NKD2: variants seen among roughly 807,000 people sequenced by gnomAD.
The protein encoded by NKD2 is protein naked cuticle homolog 2.
A neutral mutation model predicts 34.8 loss-of-function variants in NKD2; 43 were observed. The ratio of observed to expected loss-of-function variants is 1.24; its 90% confidence interval spans 0.97 to 1.60. NKD2 has a LOEUF of 1.60. Ranked by LOEUF, NKD2 falls within the 40% of genes most tolerant of loss-of-function variation. NKD2 has a pLI of 0.00. For missense variants in NKD2, 675 were observed against 627.1 expected, an observed-to-expected ratio of 1.08 and a Z score of -0.82; for synonymous variants, 278 against 265.1, an observed-to-expected ratio of 1.05 and a Z score of -0.47.
intron 9 of NKD2, 43 bp from the exon 10 acceptor site, chr5:1,037,762 A>G: frequency 6.4e-7 from 1 of 1,564,792 alleles, no homozygotes; most frequent in Non-Finnish European, 8.6e-7. Context: ...TGGGAACCTG[A>G]GCCTGCACTC....
rs766300921 is a variant in NKD2 at position 1,032,133 on chromosome 5, T to C, written c.142-19T>C. Reference sequence around the variant, plus strand: ...CCCACTGAGCTATGTGGCCACTGACTGCCCCGTTCTTCCTGCAGGAGCTGC... The same window carrying C: ...CCCACTGAGCTATGTGGCCACTGACCGCCCCGTTCTTCCTGCAGGAGCTGC... On this transcript the variant is annotated intron_variant, in intron 3 of 9. Transcript: ENST00000296849. The C allele has an allele frequency of 6.2e-7, 1 of 1,609,392 alleles. No homozygotes were observed. The highest frequency in any genetic ancestry group is 1.1e-5 in the South Asian group (1 of 90,964).
chr5:1,032,187 C>G lies in NKD2; in HGVS notation c.177C>G (p.Phe59Leu). The G allele has an allele frequency of 6.2e-7, 1 of 1,610,062 alleles. No individual in the cohort carries two copies. Among genetic ancestry groups the G allele is most frequent in the South Asian group, 1.1e-5 (1 of 90,800 alleles). The change falls in exon 4 of 10, where the codon TTC becomes TTG. Residue 59 changes from phenylalanine to leucine, a missense_variant. Coordinates refer to ENST00000296849, the MANE Select transcript of NKD2 (RefSeq NM_033120.4). ...ATGGGGACCCCAAGGAGGGGCCTTT[C>G]CGGGAGGACCAGTGTCCCCTACAGG... is the stretch of plus-strand genomic sequence containing the variant. ...LPNGDPKEGP[F>L]REDQCPLQVA...
chr5:1,035,249 A>C (rs942532531), intron 7 of NKD2, 140 bp from the exon 8 acceptor site: 39 of 711,728 alleles, frequency 5.5e-5, no homozygotes, highest in Non-Finnish European at 7.3e-6. Context: ...TGAGTGAACA[A>C]GTGAGTGAGT....
rs949365579 is a variant in NKD2, at chr5:1,037,251, C to T, written c.788-554C>T. On this transcript the variant is annotated intron_variant, in intron 9 of 9. Transcript: ENST00000296849. ...CCCCAAGGGCTGGGGCCAAGTCTCTCTCATAACCCCGGCTTCAGGAGTCCC... is the reference window on the plus strand; with the variant it reads ...CCCCAAGGGCTGGGGCCAAGTCTCTTTCATAACCCCGGCTTCAGGAGTCCC... Among the ~76,000 whole-genome samples the T allele has an allele frequency of 3.9e-5, 6 of 152,276 alleles. No individual in the cohort carries two copies. In the South Asian group the frequency reaches 1.2e-3, roughly 32 times the overall value.
chr5:1,036,348 G>C lies in NKD2; in HGVS notation c.751G>C (p.Ala251Pro), dbSNP rs201228763. The change falls in exon 9 of 10, where the codon GCC becomes CCC. Residue 251 changes from alanine to proline, a missense_variant. Physicochemically the swap from Ala to Pro is conservative, Grantham distance 27. Coordinates refer to ENST00000296849, the MANE Select transcript of NKD2 (RefSeq NM_033120.4). ...GCGCAGAAACCACTACCTGGACCTC[G>C]CCGGGATTGAGAACTACACGTCCAG... The part of the protein sequence containing the change: ...TERRNHYLDL[A>P]GIENYTSRFG... 6.2e-7 allele frequency: 1 copy of C among 1,612,978 alleles called. No homozygotes were observed. The highest frequency in any genetic ancestry group is 8.5e-7 in the Non-Finnish European group (1 of 1,179,844).
At chr5:1,029,710 C>T (rs1319918727) in intron 3 of NKD2, among the ~76,000 whole-genome samples, 8 of 152,216 alleles carry the variant, frequency 5.3e-5, no homozygotes. Flanking sequence ...AAATACTCCA[C>T]CCCGTCCAAC....
intron 3 of NKD2, among the ~76,000 whole-genome samples, chr5:1,012,720 G>A (rs1415453031): frequency 6.6e-6 from 1 of 152,250 alleles, no homozygotes; most frequent in Non-Finnish European, 1.5e-5. Flanking sequence ...GTGCCCCAGA[G>A]GCTCATATGC....
rs1053725147 is a variant in NKD2 at position 1,036,496 on chromosome 5, CCCCCCAACCCCCCCCACCCCA to C, written c.787+117_787+137del. Reference sequence around the variant, plus strand: ...GGCCCCTCCCTGCCCTGCCCCGCCCCCCCCCAACCCCCCCCACCCCACCCCACCCAGGACGGCACCCAGGTC... The same window carrying C: ...GGCCCCTCCCTGCCCTGCCCCGCCCCCCCCACCCAGGACGGCACCCAGGTC... On this transcript the variant is annotated intron_variant, in intron 9 of 9. Transcript: ENST00000296849. 445 of 560,552 alleles carry C rather than the reference CCCCCCAACCCCCCCCACCCCA, an allele frequency of 7.9e-4. 8 individuals carry two copies. The African/African-American group carries it at 0.019, about 23-fold the overall frequency. 34.7% of individuals were successfully genotyped at this position (560,552 alleles called of 1,614,324 possible). A position where few individuals can be genotyped will look rare whatever the true frequency, so the allele number is the denominator to read the frequency against.
Position 1,014,441 on chromosome 5 carries a change from G to A in NKD2, c.141+4881G>A, listed in dbSNP as rs557559012. Among the ~76,000 whole-genome samples the A allele has an allele frequency of 4.6e-5, 7 of 152,330 alleles. No individual in the cohort carries two copies. In the South Asian group the frequency reaches 1.2e-3, roughly 27 times the overall value. ...CAGTTGTGCCAGAAAGGGCAGGGCCGTCTCGAGTACCCATCCACGAGTGCC... is the reference window on the plus strand; with the variant it reads ...CAGTTGTGCCAGAAAGGGCAGGGCCATCTCGAGTACCCATCCACGAGTGCC... On this transcript the variant is annotated intron_variant, in intron 3 of 9. Transcript: ENST00000296849.
Position 1,010,959 on chromosome 5 carries a change from A to G in NKD2, c.141+1399A>G, listed in dbSNP as rs148338553. On this transcript the variant is annotated intron_variant, in intron 3 of 9. Transcript: ENST00000296849. Reference sequence around the variant, plus strand: ...ACCATGAAGTGCAGCTCCCAGGGCCATGGGGCAAGGCCAGTGCGCTCTGGA... The same window carrying G: ...ACCATGAAGTGCAGCTCCCAGGGCCGTGGGGCAAGGCCAGTGCGCTCTGGA... Among the ~76,000 whole-genome samples, 801 of 152,298 alleles carry G rather than the reference A, an allele frequency of 5.3e-3. 11 individuals are homozygous for G. Among genetic ancestry groups the G allele is most frequent in the African/African-American group, 0.018 (766 of 41,564 alleles).
chr5:1,036,192 C>T, intron 8 of NKD2, 65 bp from the exon 9 acceptor site: 2 of 1,447,916 alleles, frequency 1.4e-6, no homozygotes, highest in African/African-American at 1.4e-5. Context: ...CTGTAGGCAC[C>T]CCGTCATCAG....
intron 3 of NKD2, among the ~76,000 whole-genome samples, chr5:1,015,053 C>T (rs1755893764): frequency 6.6e-6 from 1 of 152,220 alleles, no homozygotes; most frequent in African/African-American, 2.4e-5. Context: ...GGGACAGCTC[C>T]ACGCTCCATA....
In NKD2 at chr5:1,038,606, A is replaced by T. The variant is rs1422446882; in HGVS notation, c.*233A>T. On this transcript the variant is annotated 3_prime_UTR_variant, in exon 10 of 10. Coordinates refer to ENST00000296849, the MANE Select transcript of NKD2 (RefSeq NM_033120.4). This position sits in a 1 kb window ranked among gnomAD's most constrained non-coding sequence, Gnocchi z 4.5. ...CTGCCCTCGATGCCACATGGCGGTG[A>T]ACACATCTGAAGCCACTATGTTTCC... The T allele has an allele frequency of 3.8e-6, 3 of 797,180 alleles. No individual in the cohort carries two copies. Among genetic ancestry groups the T allele is most frequent in the Non-Finnish European group, 6.2e-6 (3 of 481,876 alleles). 49.4% of individuals were successfully genotyped at this position (797,180 alleles called of 1,614,324 possible).
At chr5:1,031,786 G>A (rs772438175) in intron 3 of NKD2, among the ~76,000 whole-genome samples, 1 of 152,178 alleles carries the variant, frequency 6.6e-6, no homozygotes, top group Non-Finnish European at 1.5e-5. Flanking sequence ...GGCAGTGCTG[G>A]GAGCAGGCCC....
intron 9 of NKD2, chr5:1,036,790 G>C: frequency 2.2e-6 from 1 of 462,976 alleles, no homozygotes; most frequent in Non-Finnish European, 4.3e-6. Context: ...ATGGCCGGCA[G>C]TGTGGACAAC....
chr5:1,033,278 G>A, intron 4 of NKD2, 94 bp from the exon 5 acceptor site: 4 of 1,199,554 alleles, frequency 3.3e-6, no homozygotes, highest in Non-Finnish European at 2.3e-6. Context: ...CAGGATCATG[G>A]TGTGGTGAGG....
chr5:1,008,835 G>A lies in NKD2; in HGVS notation c.-223G>A. On this transcript the variant is annotated 5_prime_UTR_variant, in exon 1 of 10. Transcript: ENST00000296849. The stretch of plus-strand genomic sequence containing the variant: ...CCGGGCCGCCGTCGCTGCCGCCGCT[G>A]TCCCCGCGCCCTGCGCCCGGTGGCC... The A allele has an allele frequency of 3.3e-6, 1 of 300,160 alleles. No individual in the cohort carries two copies. Among genetic ancestry groups the A allele is most frequent in the Non-Finnish European group, 6.1e-6 (1 of 164,498 alleles). The allele number at this position is 300,160 out of a possible 1,614,324, so 18.6% of individuals were successfully genotyped here. A position where few individuals can be genotyped will look rare whatever the true frequency, so the allele number is the denominator to read the frequency against.
intron 3 of NKD2, among the ~76,000 whole-genome samples, chr5:1,029,668 C>T (rs894230104): frequency 1.3e-5 from 2 of 152,190 alleles, no homozygotes; most frequent in African/African-American, 4.8e-5. Flanking sequence ...ACATGTTCAG[C>T]AAATCGTGGG....
intron 3 of NKD2, among the ~76,000 whole-genome samples, chr5:1,028,257 AG>A (rs1756504600): frequency 1.3e-5 from 2 of 152,032 alleles, no homozygotes; most frequent in South Asian, 4.1e-4. Context: ...CTCACAGACC[AG>A]GGTGGCCTTC....
Sources: allele counts gnomAD v4.1 joint callset (sites outside exome capture counted in the v4.1 genomes callset), GRCh38; gene constraint gnomAD v4.1.1; non-coding constraint Gnocchi (gnomAD v3.1); transcripts MANE v1.5; gene names NCBI Gene and HGNC (gene_info 2026-07-23, HGNC 2026-07-21).